CADM2: variants seen among roughly 807,000 people sequenced by gnomAD.
The protein encoded by CADM2 is cell adhesion molecule 2.
Under a neutral mutation model 49.8 loss-of-function variants are expected in CADM2, and 12 were observed. The ratio of observed to expected loss-of-function variants is 0.24; its 90% CI spans 0.15 to 0.39. CADM2 has a LOEUF of 0.39. Ranked by LOEUF, CADM2 falls within the 10% of genes least tolerant of loss-of-function variation. The probability of loss-of-function intolerance (pLI) is 1.00; values close to 1 mark genes in which losing one functional copy is unlikely to be tolerated. For synonymous variants in CADM2, 214 were observed against 175.4 expected (o/e 1.22, Z -1.74); for missense variants, 378 against 492.3 (o/e 0.77, Z 2.20).
intron 1 of CADM2, among the ~76,000 whole-genome samples, chr3:85,255,310 A>G (rs1184641407): frequency 6.6e-6 from 1 of 152,046 alleles, no homozygotes; most frequent in Non-Finnish European, 1.5e-5. Context: ...ATATCTTTAA[A>G]TACCTTCACT....
chr3:85,491,526 T>C (rs1403280709), intron 1 of CADM2, among the ~76,000 whole-genome samples: 1 of 152,116 alleles, frequency 6.6e-6, no homozygotes, highest in Non-Finnish European at 1.5e-5. Context: ...TAAATAACTG[T>C]TGAAGTTACA....
At chr3:85,686,920 T>C (rs1291971214) in intron 1 of CADM2, among the ~76,000 whole-genome samples, 2 of 152,194 alleles carry the variant, frequency 1.3e-5, no homozygotes, top group Non-Finnish European at 2.9e-5. Flanking sequence ...TATATGTTGA[T>C]TGATGTCTAA....
chr3:86,038,241 T>C (rs979878103), intron 8 of CADM2, among the ~76,000 whole-genome samples: 1 of 152,204 alleles, frequency 6.6e-6, no homozygotes, highest in African/African-American at 2.4e-5. Flanking sequence ...GTTAAATCCA[T>C]GAAGTTAGCT....
chr3:85,930,290 TA>T (rs1559749184), intron 6 of CADM2, among the ~76,000 whole-genome samples: 1 of 152,104 alleles, frequency 6.6e-6, no homozygotes, highest in South Asian at 2.1e-4. Context: ...AATATACATT[TA>T]AAAAATTTTT....
intron 1 of CADM2, among the ~76,000 whole-genome samples, chr3:85,362,850 T>A (rs974367595): frequency 2.0e-5 from 3 of 152,214 alleles, no homozygotes; most frequent in African/African-American, 7.2e-5. Flanking sequence ...ACTGATATTA[T>A]TTTTATTGTA....
intron 5 of CADM2, among the ~76,000 whole-genome samples, chr3:85,909,305 T>C (rs1166049005): frequency 6.6e-6 from 1 of 152,070 alleles, no homozygotes; most frequent in East Asian, 1.9e-4. Context: ...TTCTGAAATT[T>C]CCTTTGTTTC....
chr3:85,038,912 CATT>C (rs2035326893), intron 1 of CADM2, among the ~76,000 whole-genome samples: 1 of 152,128 alleles, frequency 6.6e-6, no homozygotes. Context: ...ATCCCCTTGT[CATT>C]ATAAATCCAT....
At chr3:85,798,838 T>C (rs538096319) in intron 2 of CADM2, among the ~76,000 whole-genome samples, 2 of 152,178 alleles carry the variant, frequency 1.3e-5, no homozygotes, top group African/African-American at 4.8e-5. Context: ...GGGGATGGCA[T>C]TGAATCTATA....
chr3:85,777,154 TATC>T (rs1199407781), intron 2 of CADM2, among the ~76,000 whole-genome samples: 1 of 152,018 alleles, frequency 6.6e-6, no homozygotes, highest in South Asian at 2.1e-4. Flanking sequence ...ATTTCAGCAT[TATC>T]ATTTTCATAA....
intron 1 of CADM2, among the ~76,000 whole-genome samples, chr3:85,688,472 T>C (rs1229803243): frequency 6.6e-6 from 1 of 152,060 alleles, no homozygotes; most frequent in Non-Finnish European, 1.5e-5. Flanking sequence ...TTGGAGAAGA[T>C]GTTGAGGCAC....
At chr3:85,733,085 C>T (rs1285873256) in intron 2 of CADM2, among the ~76,000 whole-genome samples, 1 of 152,146 alleles carries the variant, frequency 6.6e-6, no homozygotes. Context: ...AAAATATTCT[C>T]CAGGTAAATC....
At chr3:85,437,095 A>T (rs916185319) in intron 1 of CADM2, among the ~76,000 whole-genome samples, 5 of 152,196 alleles carry the variant, frequency 3.3e-5, no homozygotes, top group African/African-American at 1.2e-4. Flanking sequence ...AGTTGGAATC[A>T]TATAGTATGT....
At chr3:85,308,341 A>ACACACACACAC (rs1491120661) in intron 1 of CADM2, among the ~76,000 whole-genome samples, 5 of 146,356 alleles carry the variant, frequency 3.4e-5, no homozygotes, top group South Asian at 4.3e-4. Context: ...ACACACACAC[A>ACACACACACAC]ACACTCCATG....
intron 1 of CADM2, among the ~76,000 whole-genome samples, chr3:85,595,692 GT>G (rs1423977195): frequency 6.6e-6 from 1 of 151,944 alleles, no homozygotes; most frequent in Non-Finnish European, 1.5e-5. Flanking sequence ...ACCTGATACA[GT>G]TTCTGAATCT....
At chr3:85,123,659 G>C (rs923689404) in intron 1 of CADM2, among the ~76,000 whole-genome samples, 1 of 151,974 alleles carries the variant, frequency 6.6e-6, no homozygotes, top group Non-Finnish European at 1.5e-5. Context: ...TTGATATCAG[G>C]AGGCAAATTG....
intron 1 of CADM2, among the ~76,000 whole-genome samples, chr3:85,379,733 T>C (rs2033793307): frequency 1.3e-5 from 2 of 152,046 alleles, no homozygotes; most frequent in South Asian, 4.1e-4. Flanking sequence ...CACAAGATTG[T>C]TTCCTTTTTT....
At chr3:85,423,580 T>C (rs2036271013) in intron 1 of CADM2, among the ~76,000 whole-genome samples, 1 of 152,150 alleles carries the variant, frequency 6.6e-6, no homozygotes. Flanking sequence ...CTAAAGCTCA[T>C]GGTATTATGA....
intron 1 of CADM2, among the ~76,000 whole-genome samples, chr3:85,585,248 T>G (rs2062908207): frequency 6.6e-6 from 1 of 151,930 alleles, no homozygotes. Flanking sequence ...GTGTTCGTGT[T>G]CAAGTAACCC....
At chr3:85,681,769 T>C (rs1342195481) in intron 1 of CADM2, among the ~76,000 whole-genome samples, 2 of 152,266 alleles carry the variant, frequency 1.3e-5, no homozygotes, top group Middle Eastern at 3.4e-3. Context: ...AAAAATTAAA[T>C]AGCATATTTT....
Sources: allele counts gnomAD v4.1 joint callset (sites outside exome capture counted in the v4.1 genomes callset), GRCh38; gene constraint gnomAD v4.1.1; transcripts MANE v1.5; gene names NCBI Gene and HGNC (gene_info 2026-07-23, HGNC 2026-07-21).